The following C3 variants were observed in gnomAD, a reference collection of about 807,000 sequenced individuals.
C3 encodes the protein C3 and PZP-like alpha-2-macroglobulin domain-containing protein 1.
A neutral mutation model predicts 207.9 loss-of-function variants in C3; 97 were observed. That is an observed-to-expected ratio of 0.47 (90% confidence interval 0.40 to 0.55). The LOEUF (loss-of-function observed/expected upper bound fraction) is 0.55, where lower values mean the gene tolerates loss of function less well. C3 is among the 20% of genes least tolerant of loss of function. The pLI is 0.00. For missense variants in C3, 1,684 were observed against 2,171.7 expected, an observed-to-expected ratio of 0.78 and a Z score of 4.46; for synonymous variants, 848 against 857.6, an observed-to-expected ratio of 0.99 and a Z score of 0.20.
chr19:6,711,001 A>G lies in C3; in HGVS notation c.1465T>C (p.Tyr489His). The change falls in exon 12 of 41, where the codon TAC (tyrosine) becomes CAC (histidine). Residue 489 changes from tyrosine (Y) to histidine (H), a missense_variant. By Grantham distance (83) the Tyr-to-His change is moderately conservative (BLOSUM62 2). Around this residue, in one of 3 missense-constraint regions of C3, gnomAD observed 1,280 missense variants for 1,739.1 expected, o/e 0.74. Coordinates refer to ENST00000245907, the MANE Select transcript of C3 (RefSeq NM_000064.4). ...TGGCCACGGACCAGGTAGGTGTAGT[A>G]GCGGATCTTGGCCTCGTGGGCGCGG... is the stretch of plus-strand genomic sequence containing the variant. The part of the protein sequence containing the change: ...MDRAHEAKIR[Y>H]YTYLIMNKGR... 6.2e-7 allele frequency: 1 copy of G among 1,614,056 alleles called. No homozygotes were observed. The highest frequency in any genetic ancestry group is 1.1e-5 in the South Asian group (1 of 91,080).
intron 12 of C3, 25 bp downstream of exon 12, chr19:6,710,961 GC>G (rs1967910697): frequency 6.2e-7 from 1 of 1,610,408 alleles, no homozygotes. Flanking sequence ...GGAGGCGGGG[GC>G]TGAGGTTTCC....
rs751070533 is a variant in C3, at chr19:6,707,524, C to T, written c.1989G>A (p.Pro663=). 1.6e-5 allele frequency: 26 copies of T among 1,613,924 alleles called. No individual in the cohort carries two copies. The highest frequency in any genetic ancestry group is 2.1e-5 in the Non-Finnish European group (25 of 1,179,980). The change falls in exon 16 of 41, where the codon CCG becomes CCA. Residue 663 remains proline, a synonymous_variant. Transcript: ENST00000245907. ...QTAQRAELQC[P]QPAARRRRSV... ...AACGGCGTCGGCGGGCGGCTGGCTG[C>T]GGGCACTGAAGTTCTGCAGGGCAGG...
chr19:6,718,782 G>A (rs1968099041), intron 2 of C3, among the ~76,000 whole-genome samples: 1 of 151,170 alleles, frequency 6.6e-6, no homozygotes, highest in South Asian at 2.1e-4. Flanking sequence ...ACTTCGAGGG[G>A]GAGGGGCTTG....
Position 6,686,860 on chromosome 19 carries a change from C to T in C3, c.3532G>A (p.Ala1178Thr). ...SITKAGDFLE[A>T]NYMNLQRSYT... is the part of the protein sequence containing the mutation. ...GATCTCTGTAGGTTCATGTAGTTGG[C>T]TTCAAGGAAGTCTCCTGCTTTAGTG... The change falls in exon 28 of 41, where the codon GCC (alanine) becomes ACC (threonine). Residue 1178 changes from alanine (A) to threonine (T), a missense_variant. Transcript: ENST00000245907. 6.2e-7 allele frequency: 1 copy of T among 1,614,120 alleles called. No homozygotes were observed. Among genetic ancestry groups the T allele is most frequent in the Non-Finnish European group, 8.5e-7 (1 of 1,180,014 alleles).
At chr19:6,701,713 C>T (rs967574357) in intron 19 of C3, among the ~76,000 whole-genome samples, 8 of 152,080 alleles carry the variant, frequency 5.3e-5, no homozygotes, top group African/African-American at 1.2e-4. Context: ...TCAGTAGAGA[C>T]GGGGTTTCAC....
At position 6,713,325 on chromosome 19, in the gene C3, G is replaced by C; in HGVS notation, c.877-10C>G. The C allele has an allele frequency of 6.2e-7, 1 of 1,613,890 alleles. No homozygotes were observed. The highest frequency in any genetic ancestry group is 8.5e-7 in the Non-Finnish European group (1 of 1,180,002). ...CCGAGCCATCCTCAATCTGAGAAGG[G>C]AGAGGAGGGCTCAGAGAGGGGAGCG... is the stretch of plus-strand genomic sequence containing the variant. On this transcript the variant is annotated splice_polypyrimidine_tract_variant and intron_variant, in intron 8 of 40. Coordinates refer to ENST00000245907, the MANE Select transcript of C3 (RefSeq NM_000064.4).
chr19:6,713,878 C>A, intron 7 of C3, 114 bp downstream of exon 7: 1 of 325,350 alleles, frequency 3.1e-6, no homozygotes, highest in East Asian at 6.4e-5. Context: ...CCACCCCCAG[C>A]CCCCCACCTG....
At chr19:6,707,619 TG>T in intron 15 of C3, 82 bp from the exon 16 acceptor site, 1 of 1,545,276 alleles carries the variant, frequency 6.5e-7, no homozygotes, top group Admixed American at 1.7e-5. Flanking sequence ...TCGTGTGAGG[TG>T]GGGGTGTTCC....
rs188640741 is a variant in C3, at chr19:6,720,013, C to A, written c.74+503G>T. On this transcript the variant is annotated intron_variant, in intron 1 of 40. Transcript: ENST00000245907. ...ACCCACACTGAAAATTGCAAGTCCCCAAGCTGCAAACTCCCAAATCTTGTA... is the reference window on the plus strand; with the variant it reads ...ACCCACACTGAAAATTGCAAGTCCCAAAGCTGCAAACTCCCAAATCTTGTA... Among the ~76,000 whole-genome samples the A allele has an allele frequency of 6.6e-5, 10 of 152,204 alleles. No homozygotes were observed. In the East Asian group the frequency reaches 1.9e-3, roughly 29 times the overall value.
chr19:6,718,834 T>A (rs981667794), intron 2 of C3, among the ~76,000 whole-genome samples: 1 of 123,076 alleles, frequency 8.1e-6, no homozygotes, highest in Non-Finnish European at 1.6e-5. Context: ...GGGAGGAGAC[T>A]CAGAAGGGGT....
intron 14 of C3, among the ~76,000 whole-genome samples, chr19:6,708,649 TTC>T (rs1178495240): frequency 2.0e-5 from 3 of 149,284 alleles, no homozygotes; most frequent in Non-Finnish European, 4.5e-5. Context: ...TTCTCTCTGT[TTC>T]TCTCTCTCTT....
intron 34 of C3, 44 bp from the exon 35 acceptor site, chr19:6,682,074 CT>C (rs1917878809): frequency 6.2e-7 from 1 of 1,604,112 alleles, no homozygotes; most frequent in African/African-American, 1.3e-5. Context: ...CTGGACCCCT[CT>C]CTCCCTGCAG....
chr19:6,677,705 A>C lies in C3; in HGVS notation c.*177T>G, dbSNP rs1917743279. ...ATGCTCCTTGGCTAAAGAAGTCAGC[A>C]CACTAGCAGGCGAACGCCAGGAGAA... is the stretch of plus-strand genomic sequence containing the variant. On this transcript the variant is annotated 3_prime_UTR_variant, in exon 41 of 41. Transcript: ENST00000245907. 1 of 766,910 alleles carries C rather than the reference A, an allele frequency of 1.3e-6. No individual in the cohort carries two copies. Among genetic ancestry groups the C allele is most frequent in the Admixed American group, 2.5e-5 (1 of 39,250 alleles). 47.5% of individuals were successfully genotyped at this position (766,910 alleles called of 1,614,324 possible). A position where few individuals can be genotyped will look rare whatever the true frequency, so the allele number is the denominator to read the frequency against.
intron 14 of C3, 41 bp from the exon 15 acceptor site, chr19:6,707,970 G>A: frequency 6.2e-7 from 1 of 1,610,062 alleles, no homozygotes; most frequent in Non-Finnish European, 8.5e-7. Flanking sequence ...GGGAGGCCAG[G>A]CTGACAATTG....
At chr19:6,704,756 C>T (rs1488067822) in intron 17 of C3, among the ~76,000 whole-genome samples, 1 of 151,778 alleles carries the variant, frequency 6.6e-6, no homozygotes, top group Non-Finnish European at 1.5e-5. Context: ...GAGACTCCAT[C>T]TCAAAAAAAC....
In C3 at chr19:6,715,634, T is replaced by TG. The variant is rs1487697032; in HGVS notation, c.505-1189_505-1188insC. Among the ~76,000 whole-genome samples the TG allele has an allele frequency of 1.5e-4, 22 of 148,508 alleles. 2 individuals are homozygous for TG. Among genetic ancestry groups the TG allele is most frequent in the Admixed American group, 8.1e-4 (12 of 14,860 alleles). ...TTTTTTTTTTGTTTTTTTTGTTTTT[T>TG]TTTTTGAGACGGAGTCTTGCTCTGT... is the stretch of plus-strand genomic sequence containing the variant. On this transcript the variant is annotated intron_variant, in intron 4 of 40. Transcript: ENST00000245907.
chr19:6,694,361 G>C, intron 24 of C3, 70 bp downstream of exon 24: 1 of 1,398,902 alleles, frequency 7.1e-7, no homozygotes. Context: ...TTGAGATGAG[G>C]TGGGATCTTA....
At chr19:6,712,904 A>C (rs1967949605) in intron 9 of C3, among the ~76,000 whole-genome samples, 1 of 140,890 alleles carries the variant, frequency 7.1e-6, no homozygotes, top group Non-Finnish European at 1.5e-5. Context: ...ACCCATCTTT[A>C]TACTGGCCCT....
At chr19:6,682,100 C>G (rs1305220847) in intron 34 of C3, 42 bp downstream of exon 34, 18 of 1,604,598 alleles carry the variant, frequency 1.1e-5, no homozygotes, top group Non-Finnish European at 1.5e-5. Flanking sequence ...TTCCAGAACC[C>G]AGGCTCCTTT....
Sources: allele counts gnomAD v4.1 joint callset (sites outside exome capture counted in the v4.1 genomes callset), GRCh38; gene constraint gnomAD v4.1.1; regional missense constraint gnomAD v4.1.1; transcripts MANE v1.5; gene names NCBI Gene and HGNC (gene_info 2026-07-23, HGNC 2026-07-21).